The following USP3 variants were observed in gnomAD, a reference collection of about 807,000 sequenced individuals.
The protein encoded by USP3 is ubiquitin carboxyl-terminal hydrolase 3.
In USP3, 20 loss-of-function variants were observed where a neutral mutation model predicts 72.3. The observed-to-expected ratio is 0.28, with a 90% CI of 0.19 to 0.40. USP3 has a LOEUF of 0.40. USP3 is among the 10% of genes least tolerant of loss of function. The pLI is 1.00. For missense variants in USP3, 479 were observed against 633.9 expected, an observed-to-expected ratio of 0.76 and a Z score of 2.62; for synonymous variants, 222 against 225.3, an observed-to-expected ratio of 0.99 and a Z score of 0.13.
chr15:63,559,805 T>C, intron 6 of USP3, 52 bp from the exon 7 acceptor site: 1 of 1,488,050 alleles, frequency 6.7e-7, no homozygotes, highest in Admixed American at 2.2e-5. Context: ...CAACTTTCTT[T>C]ACAGTCCTAT....
Position 63,559,967 on chromosome 15 carries a change from A to G in USP3, c.644A>G (p.Asn215Ser). The G allele has an allele frequency of 6.2e-7, 1 of 1,612,618 alleles. No individual in the cohort carries two copies. Among genetic ancestry groups the G allele is most frequent in the Non-Finnish European group, 8.5e-7 (1 of 1,179,320 alleles). The change falls in exon 7 of 15, where the codon AAT becomes AGT. Residue 215 changes from asparagine to serine, a missense_variant. Asn to Ser is a conservative substitution (Grantham distance 46). Transcript: ENST00000380324. ...TYHTRSQGDN[N>S]VSLVEEFRKT... ...CACACCAGGAGCCAAGGGGATAACA[A>G]TGTGTGAGTTATAAGAGTATGTCCT... is the stretch of plus-strand genomic sequence containing the variant.
Position 63,553,647 on chromosome 15 carries a change from T to G in USP3, c.285-68T>G, listed in dbSNP as rs2066466477. On this transcript the variant is annotated intron_variant, in intron 3 of 14. Coordinates refer to ENST00000380324, the MANE Select transcript of USP3 (RefSeq NM_006537.4). The surrounding 1 kb of genome is among the most constrained non-coding windows in gnomAD (Gnocchi z 4.2). ...TGATCATCTTGGCAACAGCCAGACC[T>G]TTTAGTGATTTCATTACTGTGGTTT... The G allele has an allele frequency of 1.4e-6, 2 of 1,472,232 alleles. No homozygotes were observed. Among genetic ancestry groups the G allele is most frequent in the African/African-American group, 1.4e-5 (1 of 69,752 alleles). The allele number at this position is 1,472,232 out of a possible 1,614,324, so 91.2% of individuals were successfully genotyped here.
chr15:63,540,785 T>A (rs2066233668), intron 3 of USP3, among the ~76,000 whole-genome samples: 1 of 152,198 alleles, frequency 6.6e-6, no homozygotes, highest in Non-Finnish European at 1.5e-5. Flanking sequence ...CAAACCCACT[T>A]CTTAAGGAGA....
chr15:63,572,770 A>G (rs150908137), intron 9 of USP3, among the ~76,000 whole-genome samples: 1 of 152,272 alleles, frequency 6.6e-6, no homozygotes, highest in East Asian at 1.9e-4. Context: ...GGCTCAAGTA[A>G]CTCCGTAAGT....
At chr15:63,575,026 T>G (rs1043687967) in intron 11 of USP3, among the ~76,000 whole-genome samples, 1 of 152,158 alleles carries the variant, frequency 6.6e-6, no homozygotes, top group African/African-American at 2.4e-5. Flanking sequence ...GAAGCTAGGA[T>G]AGACCAAAGA....
rs2067212985 is a variant in USP3 at position 63,592,108 on chromosome 15, G to A, written c.*1282G>A. The A allele has an allele frequency of 6.6e-6, 1 of 152,018 alleles. No individual in the cohort carries two copies. The highest frequency in any genetic ancestry group is 1.5e-5 in the Non-Finnish European group (1 of 68,024). The allele number at this position is 152,018 out of a possible 1,614,324, so 9.4% of individuals were successfully genotyped here. A position where few individuals can be genotyped will look rare whatever the true frequency, so the allele number is the denominator to read the frequency against. On this transcript the variant is annotated 3_prime_UTR_variant, in exon 15 of 15. Coordinates refer to ENST00000380324, the MANE Select transcript of USP3 (RefSeq NM_006537.4). ...TTTTTTGTATTTTTAGTAAAGACGG[G>A]GGTTTACCATGTTGGCTAGGGTGGT...
intron 3 of USP3, among the ~76,000 whole-genome samples, chr15:63,547,792 G>T (rs1330322500): frequency 9.4e-6 from 1 of 106,528 alleles, no homozygotes; most frequent in Admixed American, 9.0e-5. Context: ...GAGAGAGAGA[G>T]AGAGAGAGGC....
At chr15:63,546,728 TAG>T (rs1173211235) in intron 3 of USP3, among the ~76,000 whole-genome samples, 1 of 152,008 alleles carries the variant, frequency 6.6e-6, no homozygotes, top group Non-Finnish European at 1.5e-5. Flanking sequence ...GCCTCCCGAG[TAG>T]CTGGGACTAC....
At chr15:63,524,722 T>A (rs991941414) in intron 1 of USP3, among the ~76,000 whole-genome samples, 1 of 152,140 alleles carries the variant, frequency 6.6e-6, no homozygotes, top group African/African-American at 2.4e-5. Flanking sequence ...TCTCTCAGCA[T>A]GTTGGTCTCT....
intron 11 of USP3, chr15:63,587,955 GTATAATGTAACA>G (rs1263477231): frequency 1.1e-5 from 2 of 174,148 alleles, no homozygotes; most frequent in Non-Finnish European, 2.4e-5. Flanking sequence ...GCTTTGTCCT[GTATAATGTAACA>G]TATTGACAGA....
chr15:63,578,824 T>C (rs2066908897), intron 11 of USP3, among the ~76,000 whole-genome samples: 1 of 152,078 alleles, frequency 6.6e-6, no homozygotes, highest in South Asian at 2.1e-4. Flanking sequence ...GAATAAATTA[T>C]AGAATGACCA....
At chr15:63,540,263 T>G (rs529038154) in intron 3 of USP3, among the ~76,000 whole-genome samples, 11 of 152,186 alleles carry the variant, frequency 7.2e-5, no homozygotes, top group Non-Finnish European at 1.5e-4. Flanking sequence ...AAGTTATCAC[T>G]GAACTCTTCT....
chr15:63,529,854 G>C lies in USP3; in HGVS notation c.92-2793G>C, dbSNP rs2066041530. 6.6e-6 allele frequency among the ~76,000 whole-genome samples: 1 copy of C among 152,242 alleles called. No individual in the cohort carries two copies. Among genetic ancestry groups the C allele is most frequent in the African/African-American group, 2.4e-5 (1 of 41,472 alleles). ...TAGTTAAAAACTTGGGCCTAGGCCA[G>C]GTGCAGAGGCTCATACCTATAATCT... On this transcript the variant is annotated intron_variant, in intron 1 of 14. Transcript: ENST00000380324. This position sits in a 1 kb window ranked among gnomAD's most constrained non-coding sequence, Gnocchi z 4.2.
At chr15:63,573,734 A>G (rs2066816797) in intron 9 of USP3, among the ~76,000 whole-genome samples, 1 of 152,192 alleles carries the variant, frequency 6.6e-6, no homozygotes, top group Non-Finnish European at 1.5e-5. Flanking sequence ...GGAAGGAGTC[A>G]TGTTGCCCTG....
intron 5 of USP3, among the ~76,000 whole-genome samples, chr15:63,557,553 A>G (rs1043971924): frequency 6.6e-6 from 1 of 152,076 alleles, no homozygotes; most frequent in Non-Finnish European, 1.5e-5. Context: ...ATGAGCCACC[A>G]CACCCAGCCT....
chr15:63,526,663 C>G (rs1337838917), intron 1 of USP3, among the ~76,000 whole-genome samples: 1 of 152,098 alleles, frequency 6.6e-6, no homozygotes, highest in Non-Finnish European at 1.5e-5. Flanking sequence ...CTTCCCACAC[C>G]CTTGTTGCAG....
Position 63,544,709 on chromosome 15 carries a change from G to T in USP3, c.284+7553G>T, listed in dbSNP as rs148119285. The T allele has an allele frequency of 9.3e-4, 652 of 702,022 alleles. 4 individuals are homozygous for T. The East Asian group carries it at 0.015, about 16-fold the overall frequency. 43.5% of individuals were successfully genotyped at this position (702,022 alleles called of 1,614,324 possible). A position where few individuals can be genotyped will look rare whatever the true frequency, so the allele number is the denominator to read the frequency against. ...TTGCCATTAAATAAGTGAATAGTGC[G>T]AAATGGAAAATACCGAGGGGTAAGA... On this transcript the variant is annotated intron_variant, in intron 3 of 14. Transcript: ENST00000380324. The surrounding 1 kb of genome is among the most constrained non-coding windows in gnomAD (Gnocchi z 4.2).
intron 1 of USP3, 136 bp from the exon 2 acceptor site, chr15:63,532,511 C>G (rs113478658): frequency 8.7e-6 from 8 of 917,940 alleles, no homozygotes. Flanking sequence ...TGTGTAAATG[C>G]ATTCACAAAG....
At chr15:63,584,640 T>A (rs2067025296) in intron 11 of USP3, among the ~76,000 whole-genome samples, 1 of 152,044 alleles carries the variant, frequency 6.6e-6, no homozygotes, top group Non-Finnish European at 1.5e-5. Flanking sequence ...TGTTGCTGAG[T>A]TTTAGGAGTT....
Sources: allele counts gnomAD v4.1 joint callset (sites outside exome capture counted in the v4.1 genomes callset), GRCh38; gene constraint gnomAD v4.1.1; non-coding constraint Gnocchi (gnomAD v3.1); transcripts MANE v1.5; gene names NCBI Gene and HGNC (gene_info 2026-07-23, HGNC 2026-07-21).